The following HLCS variants were observed in gnomAD, a reference collection of about 807,000 sequenced individuals.
The protein encoded by HLCS is biotin--protein ligase.
Under a neutral mutation model 75.0 loss-of-function variants are expected in HLCS, and 53 were observed. The ratio of observed to expected loss-of-function variants is 0.71; its 90% CI spans 0.57 to 0.89. The LOEUF is 0.89. HLCS is among the 40% of genes least tolerant of loss of function. HLCS has a pLI of 0.00. For synonymous variants in HLCS, 431 were observed against 428.6 expected, an observed-to-expected ratio of 1.01 and a Z score of -0.07; for missense variants, 966 against 1,074.0, an observed-to-expected ratio of 0.90 and a Z score of 1.41.
chr21:36,814,481 T>G (rs2061602801), intron 6 of HLCS, among the ~76,000 whole-genome samples: 1 of 152,204 alleles, frequency 6.6e-6, no homozygotes, highest in South Asian at 2.1e-4. Context: ...GTTGTTTATC[T>G]GAAACTCAAA....
Position 36,819,091 on chromosome 21 carries a change from G to A in HLCS, c.1893-51806C>T, listed in dbSNP as rs377565298. On this transcript the variant is annotated intron_variant, in intron 6 of 10. Coordinates refer to ENST00000674895, the MANE Select transcript of HLCS (RefSeq NM_001352514.2). ...AGGAAGCAGCAGCTTAGGAGGCTCC[G>A]AAAGATGAAAACACAAAGACAGAAG... 4.0e-4 allele frequency among the ~76,000 whole-genome samples: 61 copies of A among 152,282 alleles called. 1 individual carries two copies. Among genetic ancestry groups the A allele is most frequent in the Admixed American group, 5.2e-4 (8 of 15,296 alleles).
rs1259711297 is a variant in HLCS, at chr21:36,936,694, T to C, written c.1192A>G (p.Thr398Ala). Residue 398 changes from threonine (T) to alanine (A), a missense_variant, in exon 4 of 11, where the codon ACC becomes GCC. Transcript: ENST00000674895. ...GKVLGLSSSF[T>A]FGGFQVTSKG... is the part of the protein sequence containing the mutation. ...CTTGTCACCTGAAAGCCACCAAAGG[T>C]GAAGGATGAAGACAGGCCCAACACC... 2.5e-6 allele frequency: 4 copies of C among 1,613,990 alleles called. No homozygotes were observed. Among genetic ancestry groups the C allele is most frequent in the Non-Finnish European group, 3.4e-6 (4 of 1,180,030 alleles).
At chr21:36,898,518 G>C (rs1482904997) in intron 5 of HLCS, among the ~76,000 whole-genome samples, 2 of 147,378 alleles carry the variant, frequency 1.4e-5, no homozygotes, top group African/African-American at 5.1e-5. Flanking sequence ...ACATTTTACA[G>C]AACAGCCGGG....
chr21:36,957,670 T>TC (rs1231746716), intron 2 of HLCS, among the ~76,000 whole-genome samples: 3 of 152,198 alleles, frequency 2.0e-5, no homozygotes, highest in African/African-American at 4.8e-5. Flanking sequence ...GCGCAGTGGC[T>TC]CATGCCTGTA....
chr21:36,795,628 T>C (rs2061003507), intron 6 of HLCS, among the ~76,000 whole-genome samples: 1 of 152,240 alleles, frequency 6.6e-6, no homozygotes, highest in South Asian at 2.1e-4. Flanking sequence ...TAGTATTCCC[T>C]GAGAGACAGA....
chr21:36,774,529 C>T (rs3787749), intron 6 of HLCS, among the ~76,000 whole-genome samples: 86,326 of 152,000 alleles, frequency 0.57, 24,855 homozygotes, highest in African/African-American at 0.61. Flanking sequence ...AGACAAGCAG[C>T]GCCTCCCCTT....
At chr21:36,895,765 C>A (rs906377530) in intron 6 of HLCS, among the ~76,000 whole-genome samples, 1 of 152,128 alleles carries the variant, frequency 6.6e-6, no homozygotes, top group African/African-American at 2.4e-5. Context: ...ATCATGTGGT[C>A]CCATGAGTGA....
intron 5 of HLCS, among the ~76,000 whole-genome samples, chr21:36,922,028 C>A (rs931697082): frequency 4.6e-5 from 7 of 152,080 alleles, no homozygotes; most frequent in African/African-American, 1.7e-4. Context: ...TATATATTAT[C>A]ATAATATGTA....
At position 36,913,530 on chromosome 21, in the gene HLCS, G is replaced by A. The variant is rs566635979; in HGVS notation, c.1621-16399C>T. Among the ~76,000 whole-genome samples, 3 of 152,222 alleles carry A rather than the reference G, an allele frequency of 2.0e-5. No homozygotes were observed. In the East Asian group the frequency reaches 5.8e-4, roughly 29 times the overall value. The stretch of plus-strand genomic sequence containing the variant: ...AATCCCAGCAATTTGGGAGGCCCAG[G>A]CAGGCAGATCACCTGAGGCCAGGAG... On this transcript the variant is annotated intron_variant, in intron 5 of 10. Transcript: ENST00000674895.
At chr21:36,989,664 C>CT (rs533805190) in intron 1 of HLCS, among the ~76,000 whole-genome samples, 3 of 151,712 alleles carry the variant, frequency 2.0e-5, no homozygotes, top group East Asian at 2.0e-4. Flanking sequence ...ATGTATCAGT[C>CT]TTTTTTTTCC....
At position 36,756,539 on chromosome 21, in the gene HLCS, G is replaced by T; in HGVS notation, c.2450+3C>A. On this transcript the variant is annotated splice_donor_region_variant and intron_variant, in intron 10 of 10. Transcript: ENST00000674895. Reference sequence around the variant, plus strand: ...AAAAGAATGAAGATGAGCCAGCACTGACCTGTGGACCCAGTATCGGTAATA... The same window carrying T: ...AAAAGAATGAAGATGAGCCAGCACTTACCTGTGGACCCAGTATCGGTAATA... 1.3e-6 allele frequency: 2 copies of T among 1,572,630 alleles called. No individual in the cohort carries two copies. The highest frequency in any genetic ancestry group is 1.7e-6 in the Non-Finnish European group (2 of 1,153,082).
chr21:36,916,790 G>A (rs184079811), intron 5 of HLCS, among the ~76,000 whole-genome samples: 32 of 152,162 alleles, frequency 2.1e-4, no homozygotes, highest in Middle Eastern at 6.8e-3. Flanking sequence ...ACAGCCATAC[G>A]GAACCATCAC....
chr21:36,836,874 T>C (rs1327811525), intron 6 of HLCS, among the ~76,000 whole-genome samples: 1 of 152,068 alleles, frequency 6.6e-6, no homozygotes, highest in Non-Finnish European at 1.5e-5. Flanking sequence ...GCCTGTTGAA[T>C]GTCAATAAAC....
At chr21:36,780,982 A>C (rs186822577) in intron 6 of HLCS, among the ~76,000 whole-genome samples, 3 of 127,594 alleles carry the variant, frequency 2.4e-5, no homozygotes, top group African/African-American at 8.9e-5. Flanking sequence ...GCAGGCAGGC[A>C]GGTGAGTAAG....
At chr21:36,808,937 G>T (rs2061433424) in intron 6 of HLCS, among the ~76,000 whole-genome samples, 1 of 152,160 alleles carries the variant, frequency 6.6e-6, no homozygotes. Flanking sequence ...GGTTAGGGCA[G>T]GCGTGGTGGC....
chr21:36,962,632 A>C (rs1375075054), intron 1 of HLCS, among the ~76,000 whole-genome samples: 1 of 151,920 alleles, frequency 6.6e-6, no homozygotes, highest in Non-Finnish European at 1.5e-5. Context: ...TACAAAAAAC[A>C]TACCAAAAAA....
chr21:36,924,573 A>G lies in HLCS; in HGVS notation c.1620+5678T>C, dbSNP rs138442657. Among the ~76,000 whole-genome samples the G allele has an allele frequency of 4.2e-3, 643 of 152,236 alleles. 1 individual carries two copies. The highest frequency in any genetic ancestry group is 0.014 in the African/African-American group (589 of 41,532). ...AAGACTCCATCTCAAAAAGAAAAAC[A>G]ACAGAAACGAAAAATACATAAGCCT... On this transcript the variant is annotated intron_variant, in intron 5 of 10. Coordinates refer to ENST00000674895, the MANE Select transcript of HLCS (RefSeq NM_001352514.2).
intron 6 of HLCS, among the ~76,000 whole-genome samples, chr21:36,797,770 G>A (rs2061070878): frequency 6.6e-6 from 1 of 152,146 alleles, no homozygotes; most frequent in South Asian, 2.1e-4. Flanking sequence ...GGGCACACAC[G>A]GTCTGAAGCC....
chr21:36,861,179 G>A (rs1321759858), intron 6 of HLCS, among the ~76,000 whole-genome samples: 2 of 151,994 alleles, frequency 1.3e-5, no homozygotes, highest in East Asian at 3.9e-4. Context: ...AGCACAGGCG[G>A]TGTCTCTACA....
Sources: gnomAD v4.1 joint callset for allele counts (sites outside exome capture counted in the v4.1 genomes callset) on GRCh38, gnomAD v4.1.1 for gene constraint, MANE v1.5 for transcripts, NCBI Gene and HGNC (gene_info 2026-07-23, HGNC 2026-07-21) for gene names.